The following CBX5 variants were observed in gnomAD, a reference collection of about 807,000 sequenced individuals.
The protein encoded by CBX5 is chromobox 5.
CBX5 carries 7 observed loss-of-function variants against 20.7 expected under a neutral mutation model. The ratio of observed to expected loss-of-function variants is 0.34; its 90% CI spans 0.19 to 0.63. CBX5 has a LOEUF of 0.63. Among genes scored for constraint, CBX5 ranks in the 30% least tolerant of loss-of-function variants. The pLI is 0.75. For missense variants in CBX5, 110 were observed against 224.1 expected (o/e 0.49, Z 3.25); for synonymous variants, 78 against 77.0 (o/e 1.01, Z -0.07).
chr12:54,260,770 C>G, intron 1 of CBX5, among the ~76,000 whole-genome samples: 1 of 152,096 alleles, frequency 6.6e-6, no homozygotes, highest in East Asian at 1.9e-4. Context: ...TGTAAGTTTT[C>G]CATTCTTCTG....
rs1386272687 is a variant in CBX5, at chr12:54,238,918, CTT to C, written c.*2835_*2836del. The C allele has an allele frequency of 1.3e-5, 2 of 152,194 alleles. No homozygotes were observed. Among genetic ancestry groups the C allele is most frequent in the African/African-American group, 2.4e-5 (1 of 41,448 alleles). 9.4% of individuals were successfully genotyped at this position (152,194 alleles called of 1,614,324 possible). ...CTTAGGTGTTTAAGAGTGCTTAGCT[CTT>C]AACTATTAACTCTTCTGAGGGGAGA... On this transcript the variant is annotated 3_prime_UTR_variant, in exon 5 of 5. Coordinates refer to ENST00000209875, the MANE Select transcript of CBX5 (RefSeq NM_012117.3).
At position 54,237,424 on chromosome 12, in the gene CBX5, C is replaced by G. The variant is rs1268307846; in HGVS notation, c.*4331G>C. 2 of 152,112 alleles carry G rather than the reference C, an allele frequency of 1.3e-5. No individual in the cohort carries two copies. The highest frequency in any genetic ancestry group is 4.8e-5 in the African/African-American group (2 of 41,414). The allele number at this position is 152,112 out of a possible 1,614,324, so 9.4% of individuals were successfully genotyped here. Reference sequence around the variant, plus strand: ...ACTAATTGCAGACTATAAAGATACCCAAAAATCCTTCTCAAAATAGCACCC... The same window carrying G: ...ACTAATTGCAGACTATAAAGATACCGAAAAATCCTTCTCAAAATAGCACCC... On this transcript the variant is annotated 3_prime_UTR_variant, in exon 5 of 5. Transcript: ENST00000209875.
intron 3 of CBX5, among the ~76,000 whole-genome samples, chr12:54,250,737 A>G (rs1477276139): frequency 1.4e-4 from 18 of 129,342 alleles, no homozygotes; most frequent in African/African-American, 5.0e-4. Context: ...CCCGGGAGGC[A>G]GAGCTTGCAG....
intron 3 of CBX5, 122 bp from the exon 4 acceptor site, chr12:54,246,337 C>G: frequency 1.4e-6 from 1 of 710,618 alleles, no homozygotes; most frequent in African/African-American, 1.8e-5. Flanking sequence ...TTCACCAATT[C>G]AGAAAAATTT....
chr12:54,262,629 G>C (rs1208204496), intron 1 of CBX5: 1 of 152,704 alleles, frequency 6.5e-6, no homozygotes, highest in Non-Finnish European at 1.5e-5. Context: ...GCAGCAGTAA[G>C]AAATGAGAAA....
At chr12:54,246,965 C>T (rs374011734) in intron 3 of CBX5, among the ~76,000 whole-genome samples, 4 of 152,050 alleles carry the variant, frequency 2.6e-5, no homozygotes, top group African/African-American at 7.2e-5. Flanking sequence ...AAATATACTA[C>T]CTCTCTCTCA....
intron 2 of CBX5, among the ~76,000 whole-genome samples, chr12:54,256,157 C>T (rs2124528): frequency 0.16 from 24,377 of 152,136 alleles, 2,382 homozygotes; most frequent in East Asian, 0.4. Context: ...CTTTCAAACA[C>T]CCAAATATTT....
chr12:54,268,937 A>G (rs1253989054), intron 1 of CBX5, among the ~76,000 whole-genome samples: 1 of 152,218 alleles, frequency 6.6e-6, no homozygotes. Context: ...AGCAAATAGA[A>G]GTTAAATGTC....
At chr12:54,263,474 C>T (rs1217486266) in intron 1 of CBX5, among the ~76,000 whole-genome samples, 2 of 152,034 alleles carry the variant, frequency 1.3e-5, no homozygotes, top group African/African-American at 4.8e-5. Flanking sequence ...GCGGCTCTCG[C>T]CTGTAATCCC....
intron 1 of CBX5, among the ~76,000 whole-genome samples, 168 bp from the exon 2 acceptor site, chr12:54,257,860 G>A (rs563862983): frequency 2.0e-5 from 3 of 152,182 alleles, no homozygotes; most frequent in Non-Finnish European, 4.4e-5. Context: ...AAATGAATCA[G>A]TCTTCACTTC....
chr12:54,267,237 A>G lies in CBX5; in HGVS notation c.-42-9545T>C, dbSNP rs143517735. Reference sequence around the variant, plus strand: ...AACAGCAACATTTGAGTAGATTGTCATGAATCTTAGATTTATACATACCAC... The same window carrying G: ...AACAGCAACATTTGAGTAGATTGTCGTGAATCTTAGATTTATACATACCAC... On this transcript the variant is annotated intron_variant, in intron 1 of 4. Transcript: ENST00000209875. 3.3e-3 allele frequency among the ~76,000 whole-genome samples: 500 copies of G among 152,350 alleles called. 2 individuals carry two copies. Among genetic ancestry groups the G allele is most frequent in the African/African-American group, 0.011 (455 of 41,580 alleles).
At chr12:54,246,277 C>G in intron 3 of CBX5, 62 bp from the exon 4 acceptor site, 1 of 1,216,224 alleles carries the variant, frequency 8.2e-7, no homozygotes, top group South Asian at 1.3e-5. Flanking sequence ...CTCCCTGCTT[C>G]TAGGCTCAAC....
At position 54,252,063 on chromosome 12, in the gene CBX5, A is replaced by G; in HGVS notation, c.302T>C (p.Ile101Thr). 11 of 1,588,706 alleles carry G rather than the reference A, an allele frequency of 6.9e-6. No homozygotes were observed. The highest frequency in any genetic ancestry group is 8.5e-6 in the Non-Finnish European group (10 of 1,171,492). ...TACCTCTCTCTTTTTTTTAGATTTG[A>G]TGTCATCGGCACTGTTTGAGAAATT... ...KSNFSNSADD[I>T]KSKKKREQSN... The change falls in exon 3 of 5, where the codon ATC becomes ACC. Residue 101 changes from isoleucine (I) to threonine (T), a missense_variant. This residue lies in a region of CBX5 where 58 missense variants were observed against 120.6 expected (regional missense o/e 0.48). Coordinates refer to ENST00000209875, the MANE Select transcript of CBX5 (RefSeq NM_012117.3).
At chr12:54,269,428 G>T (rs539162595) in intron 1 of CBX5, among the ~76,000 whole-genome samples, 143 of 152,068 alleles carry the variant, frequency 9.4e-4, no homozygotes, top group African/African-American at 3.3e-3. Context: ...TTGCTCTGTT[G>T]CCCAGGCTGG....
rs1017527304 is a variant in CBX5, at chr12:54,239,930, G to A, written c.*1825C>T. ...TGGGTATATGATTTGCATATTATGT[G>A]GCTCATCTGTGGACTGGAGCAATCC... On this transcript the variant is annotated 3_prime_UTR_variant, in exon 5 of 5. Coordinates refer to ENST00000209875, the MANE Select transcript of CBX5 (RefSeq NM_012117.3). The A allele has an allele frequency of 3.9e-5, 6 of 152,202 alleles. No individual in the cohort carries two copies. The highest frequency in any genetic ancestry group is 1.4e-4 in the African/African-American group (6 of 41,446). 9.4% of individuals were successfully genotyped at this position (152,202 alleles called of 1,614,324 possible).
intron 3 of CBX5, among the ~76,000 whole-genome samples, chr12:54,251,508 C>T (rs1429909885): frequency 8.8e-6 from 1 of 113,580 alleles, no homozygotes; most frequent in Non-Finnish European, 1.7e-5. Flanking sequence ...GACAGCAAGA[C>T]TCTGTCTCAA....
intron 2 of CBX5, 125 bp from the exon 3 acceptor site, chr12:54,252,352 G>C: frequency 2.2e-6 from 1 of 450,768 alleles, no homozygotes. Context: ...ATGCTTTAAA[G>C]AAGATAACAA....
intron 3 of CBX5, among the ~76,000 whole-genome samples, chr12:54,247,657 A>C (rs773381497): frequency 8.5e-5 from 13 of 152,134 alleles, no homozygotes; most frequent in Non-Finnish European, 1.2e-4. Context: ...GAGAGCCAAA[A>C]AGCAAAATTT....
chr12:54,256,071 C>T lies in CBX5; in HGVS notation c.137+1443G>A, dbSNP rs1943860283. Reference sequence around the variant, plus strand: ...AAGGACCAATGTTTACTTTGTCTACCCCAAACCTTACCTTTTCCCCTTTCA... The same window carrying T: ...AAGGACCAATGTTTACTTTGTCTACTCCAAACCTTACCTTTTCCCCTTTCA... On this transcript the variant is annotated intron_variant, in intron 2 of 4. Coordinates refer to ENST00000209875, the MANE Select transcript of CBX5 (RefSeq NM_012117.3). Among the ~76,000 whole-genome samples the T allele has an allele frequency of 2.0e-5, 3 of 152,086 alleles. No individual in the cohort carries two copies. The South Asian group carries it at 6.2e-4, about 32-fold the overall frequency.
Sources: allele counts gnomAD v4.1 joint callset (sites outside exome capture counted in the v4.1 genomes callset), GRCh38; gene constraint gnomAD v4.1.1; regional missense constraint gnomAD v4.1.1; transcripts MANE v1.5; gene names NCBI Gene and HGNC (gene_info 2026-07-23, HGNC 2026-07-21).